The following CDH18 variants were observed in gnomAD, a reference collection of about 807,000 sequenced individuals.
CDH18 encodes the protein cadherin 18, also known as cadherin-18.
CDH18 carries 31 observed loss-of-function variants against 67.9 expected under a neutral mutation model. That is an observed-to-expected ratio of 0.46 (90% CI 0.34 to 0.62). The LOEUF is 0.62. Ranked by LOEUF, CDH18 falls within the 20% of genes least tolerant of loss-of-function variation. The pLI, the probability that CDH18 is intolerant of heterozygous loss-of-function variation, is 0.01. For missense variants in CDH18, 890 were observed against 975.5 expected (o/e 0.91, Z 1.17); for synonymous variants, 362 against 347.2 (o/e 1.04, Z -0.48).
chr5:20,555,452 T>C, intron 1 of CDH18, among the ~76,000 whole-genome samples: 1 of 74,196 alleles, frequency 1.3e-5, no homozygotes, highest in African/African-American at 4.4e-5. Flanking sequence ...TTTTTTTTTC[T>C]TTTTTCTTTG....
chr5:20,205,234 A>G (rs986506233), intron 2 of CDH18, among the ~76,000 whole-genome samples: 7 of 152,006 alleles, frequency 4.6e-5, no homozygotes, highest in African/African-American at 1.7e-4. Context: ...AGGAGGAACT[A>G]TACACATAAC....
intron 11 of CDH18, among the ~76,000 whole-genome samples, chr5:19,499,395 A>G (rs572205619): frequency 2.6e-5 from 4 of 152,204 alleles, no homozygotes; most frequent in African/African-American, 9.6e-5. Context: ...AATTGCATAT[A>G]TGTGCTATAT....
intron 5 of CDH18, among the ~76,000 whole-genome samples, chr5:19,698,693 A>G (rs1762840375): frequency 6.6e-6 from 1 of 152,112 alleles, no homozygotes; most frequent in African/African-American, 2.4e-5. Flanking sequence ...AATTAAAAAT[A>G]AAAATAATAT....
intron 1 of CDH18, among the ~76,000 whole-genome samples, chr5:20,446,019 G>T (rs1749972361): frequency 6.6e-6 from 1 of 152,070 alleles, no homozygotes; most frequent in African/African-American, 2.4e-5. Context: ...TTTGATTGAA[G>T]TTTATGGTTA....
chr5:19,926,970 T>C (rs1477886016), intron 2 of CDH18, among the ~76,000 whole-genome samples: 1 of 152,132 alleles, frequency 6.6e-6, no homozygotes, highest in Non-Finnish European at 1.5e-5. Context: ...AAACATTCTG[T>C]CATTTATAAA....
chr5:19,500,767 G>T (rs1579835349), intron 11 of CDH18, among the ~76,000 whole-genome samples: 1 of 152,122 alleles, frequency 6.6e-6, no homozygotes, highest in South Asian at 2.1e-4. Context: ...TTTTTTAGGG[G>T]AAAACCTATA....
At chr5:20,120,229 T>C (rs1335830868) in intron 2 of CDH18, among the ~76,000 whole-genome samples, 1 of 152,120 alleles carries the variant, frequency 6.6e-6, no homozygotes, top group East Asian at 1.9e-4. Context: ...ATTAATAAAA[T>C]AGTTCTGCCT....
At chr5:19,715,556 C>A (rs1297292098) in intron 5 of CDH18, among the ~76,000 whole-genome samples, 1 of 152,104 alleles carries the variant, frequency 6.6e-6, no homozygotes. Context: ...TATCTCCTTA[C>A]AGATTATCAT....
chr5:20,150,245 T>C (rs1220643322), intron 2 of CDH18, among the ~76,000 whole-genome samples: 1 of 152,110 alleles, frequency 6.6e-6, no homozygotes, highest in Non-Finnish European at 1.5e-5. Flanking sequence ...AATTATTTGA[T>C]AGCTCCTCAA....
At chr5:20,134,242 C>T (rs80247428) in intron 2 of CDH18, among the ~76,000 whole-genome samples, 2,356 of 152,240 alleles carry the variant, frequency 0.015, 62 homozygotes, top group African/African-American at 0.054. Context: ...TCCTAAAGTG[C>T]TGATATTACA....
intron 2 of CDH18, among the ~76,000 whole-genome samples, chr5:19,911,533 T>G (rs759585381): frequency 2.0e-4 from 30 of 152,218 alleles, no homozygotes; most frequent in Non-Finnish European, 4.1e-4. Flanking sequence ...TAGGTTGAGA[T>G]GAGGTTATGA....
chr5:19,943,593 C>T (rs924606588), intron 2 of CDH18, among the ~76,000 whole-genome samples: 5 of 152,008 alleles, frequency 3.3e-5, no homozygotes, highest in East Asian at 3.9e-4. Flanking sequence ...TAAAAACAAA[C>T]AAGTTAACCT....
At chr5:19,908,694 G>T (rs1242069418) in intron 2 of CDH18, among the ~76,000 whole-genome samples, 1 of 152,066 alleles carries the variant, frequency 6.6e-6, no homozygotes, top group Non-Finnish European at 1.5e-5. Flanking sequence ...TCTGTCATAT[G>T]GCCTATTTTC....
intron 1 of CDH18, among the ~76,000 whole-genome samples, chr5:20,510,708 C>A (rs765776097): frequency 7.2e-5 from 11 of 152,060 alleles, no homozygotes; most frequent in Non-Finnish European, 1.0e-4. Flanking sequence ...CATTATATTT[C>A]TTTTCCTAGA....
At chr5:19,827,195 T>G (rs1780500931) in intron 3 of CDH18, among the ~76,000 whole-genome samples, 1 of 152,012 alleles carries the variant, frequency 6.6e-6, no homozygotes, top group African/African-American at 2.4e-5. Context: ...ATCTTAAATA[T>G]AAATACACCA....
intron 4 of CDH18, among the ~76,000 whole-genome samples, chr5:19,742,646 C>A (rs2150708737): frequency 6.6e-6 from 1 of 152,188 alleles, no homozygotes; most frequent in African/African-American, 2.4e-5. Flanking sequence ...ATTTGTAAGT[C>A]TGCAGTTTGC....
chr5:19,892,379 T>C (rs1469605699), intron 2 of CDH18, among the ~76,000 whole-genome samples: 2 of 152,160 alleles, frequency 1.3e-5, no homozygotes, highest in African/African-American at 2.4e-5. Flanking sequence ...CTTTTTCATA[T>C]TGAGAAAGGG....
At chr5:20,300,666 A>G (rs1362763039) in intron 1 of CDH18, among the ~76,000 whole-genome samples, 1 of 151,906 alleles carries the variant, frequency 6.6e-6, no homozygotes. Context: ...CAACAGGCTC[A>G]CCTCCCTGAT....
intron 2 of CDH18, among the ~76,000 whole-genome samples, chr5:20,095,439 G>GAA (rs1554089657): frequency 8.5e-6 from 1 of 117,652 alleles, no homozygotes; most frequent in Non-Finnish European, 1.7e-5. Context: ...AAGAAAGAAA[G>GAA]AAAGAAAAGA....
Sources: gnomAD v4.1 joint callset for allele counts (sites outside exome capture counted in the v4.1 genomes callset) on GRCh38, gnomAD v4.1.1 for gene constraint, MANE v1.5 for transcripts, NCBI Gene and HGNC (gene_info 2026-07-23, HGNC 2026-07-21) for gene names.